Variants in GMFB observed in about 807,000 individuals in gnomAD.
GMFB encodes GMF-beta.
Under a neutral mutation model 25.6 loss-of-function variants are expected in GMFB, and 13 were observed. The observed-to-expected ratio is 0.51, with a 90% CI of 0.33 to 0.81. The LOEUF is 0.81. GMFB is among the 30% of genes least tolerant of loss of function. GMFB has a pLI of 0.02. For missense variants in GMFB, 146 were observed against 175.4 expected, an observed-to-expected ratio of 0.83 and a Z score of 0.95; for synonymous variants, 57 against 56.9, an observed-to-expected ratio of 1.00 and a Z score of 0.00.
In GMFB at chr14:54,485,917, T is replaced by C. The variant is rs113489092; in HGVS notation, c.4-2150A>G. Among the ~76,000 whole-genome samples the C allele has an allele frequency of 2.0e-3, 300 of 152,292 alleles. 3 individuals are homozygous for C. The highest frequency in any genetic ancestry group is 7.0e-3 in the African/African-American group (293 of 41,568). ...ACTGGGGAAAGGACACTCTCTCCAA[T>C]AAATGGTGCTGGGAAAACCAGATAG... On this transcript the variant is annotated intron_variant, in intron 1 of 6. Transcript: ENST00000358056.
chr14:54,484,899 T>C (rs563116737), intron 1 of GMFB, among the ~76,000 whole-genome samples: 3 of 151,280 alleles, frequency 2.0e-5, no homozygotes, highest in Non-Finnish European at 4.5e-5. Context: ...ATAAATGTGA[T>C]ACATTACATT....
chr14:54,481,181 A>C, intron 4 of GMFB: 1 of 566,308 alleles, frequency 1.8e-6, no homozygotes. Flanking sequence ...TTATTTTCTC[A>C]ATTTTTATTG....
chr14:54,479,656 G>A, intron 6 of GMFB, 130 bp downstream of exon 6: 1 of 533,402 alleles, frequency 1.9e-6, no homozygotes, highest in Non-Finnish European at 3.4e-6. Context: ...AAAAAGCTTT[G>A]GCTAACTTAC....
intron 5 of GMFB, 118 bp from the exon 6 acceptor site, chr14:54,479,977 G>C (rs2031689634): frequency 1.5e-6 from 1 of 652,628 alleles, no homozygotes. Flanking sequence ...TGAGTTTACA[G>C]AATATATATG....
At chr14:54,486,057 C>A (rs983185652) in intron 1 of GMFB, among the ~76,000 whole-genome samples, 1 of 152,142 alleles carries the variant, frequency 6.6e-6, no homozygotes, top group Non-Finnish European at 1.5e-5. Context: ...CGAGACCAGC[C>A]TGGCTAACAT....
chr14:54,484,602 T>C (rs1401406944), intron 1 of GMFB, among the ~76,000 whole-genome samples: 1 of 152,152 alleles, frequency 6.6e-6, no homozygotes, highest in African/African-American at 2.4e-5. Flanking sequence ...TGCTGAATTC[T>C]ACCAAAGATT....
At chr14:54,487,743 T>A (rs1354511219) in intron 1 of GMFB, among the ~76,000 whole-genome samples, 1 of 152,090 alleles carries the variant, frequency 6.6e-6, no homozygotes. Context: ...CAGATCTGGA[T>A]TGGATCTCAG....
chr14:54,482,736 T>C (rs1001798266), intron 2 of GMFB, among the ~76,000 whole-genome samples: 2 of 152,196 alleles, frequency 1.3e-5, no homozygotes, highest in Non-Finnish European at 2.9e-5. Flanking sequence ...CAAAGCTAAA[T>C]CAAAATAAGT....
At chr14:54,485,288 T>TA (rs367952637) in intron 1 of GMFB, among the ~76,000 whole-genome samples, 52 of 147,202 alleles carry the variant, frequency 3.5e-4, no homozygotes, top group South Asian at 6.4e-4. Context: ...AAGACTCCAT[T>TA]AAAAAAAAAA....
chr14:54,480,874 C>T lies in GMFB; in HGVS notation c.283G>A (p.Gly95Arg). The change falls in exon 5 of 7, where the codon GGA becomes AGA. Residue 95 changes from glycine (G) to arginine (R), a missense_variant and splice_region_variant. Gly to Arg is a moderately radical substitution (Grantham distance 125). Coordinates refer to ENST00000358056, the MANE Select transcript of GMFB (RefSeq NM_004124.3). ...GTGTTATTTAAAGAAATTCACTTAC[C>T]AACAGGACTGGAGAAAATAAAGCAC... ...PLCFIFSSPV[G>R]CKPEQQMMYA... 2.8e-6 allele frequency: 4 copies of T among 1,450,760 alleles called. No individual in the cohort carries two copies. Among genetic ancestry groups the T allele is most frequent in the South Asian group, 1.2e-5 (1 of 84,294 alleles). The allele number at this position is 1,450,760 out of a possible 1,614,324, so 89.9% of individuals were successfully genotyped here. A position where few individuals can be genotyped will look rare whatever the true frequency, so the allele number is the denominator to read the frequency against.
At chr14:54,488,146 T>A (rs2140037853) in intron 1 of GMFB, among the ~76,000 whole-genome samples, 1 of 152,294 alleles carries the variant, frequency 6.6e-6, no homozygotes, top group Middle Eastern at 3.4e-3. Context: ...GAGAGCAGTG[T>A]TTTGTTGTTT....
chr14:54,477,869 C>T lies in GMFB; in HGVS notation c.*219G>A, dbSNP rs2031660743. The T allele has an allele frequency of 8.0e-6, 3 of 376,460 alleles. No individual in the cohort carries two copies. Among genetic ancestry groups the T allele is most frequent in the Non-Finnish European group, 1.5e-5 (3 of 205,684 alleles). The allele number at this position is 376,460 out of a possible 1,614,324, so 23.3% of individuals were successfully genotyped here. On this transcript the variant is annotated 3_prime_UTR_variant, in exon 7 of 7. Transcript: ENST00000358056. ...AAAAAGTCCCTGGAGAAAAGTAGTC[C>T]ACCTAACAATTACCAATATAAGGAA...
Position 54,474,730 on chromosome 14 carries a change from A to G in GMFB, c.*3358T>C, listed in dbSNP as rs2031613551. The G allele has an allele frequency of 6.6e-6, 1 of 152,668 alleles. No homozygotes were observed. Among genetic ancestry groups the G allele is most frequent in the African/African-American group, 2.4e-5 (1 of 41,472 alleles). 9.5% of individuals were successfully genotyped at this position (152,668 alleles called of 1,614,324 possible). A position where few individuals can be genotyped will look rare whatever the true frequency, so the allele number is the denominator to read the frequency against. ...CTAAATCAGTGGGAACTGCCCTGGC[A>G]TGTTAATGATCTCAAACAATATTCA... On this transcript the variant is annotated 3_prime_UTR_variant, in exon 7 of 7. Coordinates refer to ENST00000358056, the MANE Select transcript of GMFB (RefSeq NM_004124.3).
At chr14:54,480,149 T>A (rs1390170648) in intron 5 of GMFB, 1 of 268,252 alleles carries the variant, frequency 3.7e-6, no homozygotes, top group East Asian at 8.3e-5. Flanking sequence ...TTCTGCACTA[T>A]CTTAACTTTG....
chr14:54,481,051 C>A, intron 4 of GMFB, 95 bp from the exon 5 acceptor site: 1 of 621,704 alleles, frequency 1.6e-6, no homozygotes, highest in South Asian at 2.1e-5. Context: ...CTGTCCTATT[C>A]TTTTAGGCCA....
chr14:54,483,247 T>A (rs1439720599), intron 2 of GMFB: 1 of 155,938 alleles, frequency 6.4e-6, no homozygotes. Context: ...AGAGTTCAAA[T>A]CTACAACTGG....
At chr14:54,484,485 TCAAC>T (rs1301511484) in intron 1 of GMFB, among the ~76,000 whole-genome samples, 1 of 152,012 alleles carries the variant, frequency 6.6e-6, no homozygotes, top group African/African-American at 2.4e-5. Context: ...CTACCAAGAC[TCAAC>T]CATGAAGAAA....
chr14:54,486,009 T>C (rs1162979713), intron 1 of GMFB, among the ~76,000 whole-genome samples: 1 of 152,188 alleles, frequency 6.6e-6, no homozygotes, highest in Non-Finnish European at 1.5e-5. Context: ...CCCAGCACTT[T>C]GGGAGGCCGA....
Position 54,478,139 on chromosome 14 carries a change from G to A in GMFB, c.378C>T (p.Thr126=), listed in dbSNP as rs369664579. 4.5e-5 allele frequency: 62 copies of A among 1,386,506 alleles called. No individual in the cohort carries two copies. The highest frequency in any genetic ancestry group is 3.7e-4 in the Admixed American group (14 of 38,034). The allele number at this position is 1,386,506 out of a possible 1,614,324, so 85.9% of individuals were successfully genotyped here. The change falls in exon 7 of 7, where the codon ACC becomes ACT. Residue 126 remains threonine (T), a synonymous_variant. Transcript: ENST00000358056. The part of the protein sequence containing the change: ...ELTKVFEIRN[T]EDLTEEWLRE... Reference sequence around the variant, plus strand: ...GTAACCATTCTTCAGTTAGGTCTTCGGTATTTCTTATTTCAAATACCTTTA... The same window carrying A: ...GTAACCATTCTTCAGTTAGGTCTTCAGTATTTCTTATTTCAAATACCTTTA...
Sources: gnomAD v4.1 joint callset for allele counts (sites outside exome capture counted in the v4.1 genomes callset) on GRCh38, gnomAD v4.1.1 for gene constraint, MANE v1.5 for transcripts, NCBI Gene and HGNC (gene_info 2026-07-23, HGNC 2026-07-21) for gene names.